Variants in RAPGEF1 observed in about 807,000 individuals in gnomAD.
RAPGEF1 encodes Rap guanine nucleotide exchange factor 1.
In RAPGEF1, 33 loss-of-function variants were observed where a neutral mutation model predicts 143.3. The ratio of observed to expected loss-of-function variants is 0.23; its 90% CI spans 0.17 to 0.31. RAPGEF1 has a LOEUF of 0.31. Among genes scored for constraint, RAPGEF1 ranks in the 10% least tolerant of loss-of-function variants. The probability of loss-of-function intolerance (pLI) is 1.00; values close to 1 mark genes in which losing one functional copy is unlikely to be tolerated. For synonymous variants in RAPGEF1, 629 were observed against 676.5 expected (o/e 0.93, Z 1.09); for missense variants, 1,199 against 1,645.4 (o/e 0.73, Z 4.69).
chr9:131,596,865 G>C (rs1955395260), intron 16 of RAPGEF1, among the ~76,000 whole-genome samples: 1 of 152,180 alleles, frequency 6.6e-6, no homozygotes, highest in Admixed American at 6.5e-5. Context: ...CGTCTCCCCA[G>C]GTGGAAGTAG....
chr9:131,600,577 T>C lies in RAPGEF1; in HGVS notation c.2501+1484A>G, dbSNP rs74318610. ...TCTCATTTCTTTTTCTTTCTTTTGCTATTTTTATTAACTGCCTCTTCAACC... is the reference window on the plus strand; with the variant it reads ...TCTCATTTCTTTTTCTTTCTTTTGCCATTTTTATTAACTGCCTCTTCAACC... On this transcript the variant is annotated intron_variant, in intron 15 of 26. Transcript: ENST00000683357. Among the ~76,000 whole-genome samples, 8 of 152,338 alleles carry C rather than the reference T, an allele frequency of 5.3e-5. No individual in the cohort carries two copies. The East Asian group carries it at 1.5e-3, about 29-fold the overall frequency.
rs958944237 is a variant in RAPGEF1 at position 131,584,208 on chromosome 9, G to A, written c.3414+103C>T. On this transcript the variant is annotated intron_variant, in intron 24 of 26. Coordinates refer to ENST00000683357, the MANE Select transcript of RAPGEF1 (RefSeq NM_001377935.1). The surrounding 1 kb of genome is among the most constrained non-coding windows in gnomAD (Gnocchi z 6.8). ...GTGGCAGAGCAGGGGCCTAGGCCCA[G>A]CATTTGCTCCAGTGGGAGCACTTTC... The A allele has an allele frequency of 8.3e-6, 9 of 1,090,160 alleles. No homozygotes were observed. In the Admixed American group the frequency reaches 1.2e-4, roughly 15 times the overall value. The allele number at this position is 1,090,160 out of a possible 1,614,324, so 67.5% of individuals were successfully genotyped here. A position where few individuals can be genotyped will look rare whatever the true frequency, so the allele number is the denominator to read the frequency against.
chr9:131,579,399 G>T lies in RAPGEF1; in HGVS notation c.*98C>A. On this transcript the variant is annotated 3_prime_UTR_variant, in exon 27 of 27. Transcript: ENST00000683357. ...GGCCAGCCTCATGGCTCCGAGGCCG[G>T]GACTCCTGCCATGCGCCTAACAGGT... 1 of 1,480,492 alleles carries T rather than the reference G, an allele frequency of 6.8e-7. No individual in the cohort carries two copies. 91.7% of individuals were successfully genotyped at this position (1,480,492 alleles called of 1,614,324 possible). A position where few individuals can be genotyped will look rare whatever the true frequency, so the allele number is the denominator to read the frequency against.
At chr9:131,612,561 G>A (rs1207612002) in intron 12 of RAPGEF1, among the ~76,000 whole-genome samples, 3 of 152,108 alleles carry the variant, frequency 2.0e-5, no homozygotes, top group East Asian at 1.9e-4. Flanking sequence ...AGGCAGGCTC[G>A]CTCCTGGGCT....
intron 1 of RAPGEF1, among the ~76,000 whole-genome samples, chr9:131,651,716 A>T (rs1217401758): frequency 6.6e-6 from 1 of 152,212 alleles, no homozygotes; most frequent in African/African-American, 2.4e-5. Flanking sequence ...AAGTGAACAA[A>T]CCCACAGGAT....
chr9:131,598,137 C>G, intron 16 of RAPGEF1, 62 bp downstream of exon 16: 2 of 1,404,042 alleles, frequency 1.4e-6, no homozygotes, highest in Non-Finnish European at 1.0e-6. Context: ...ACATTCTTCT[C>G]TGCCCCACCT....
intron 3 of RAPGEF1, among the ~76,000 whole-genome samples, chr9:131,644,388 T>A (rs1436870902): frequency 7.5e-6 from 1 of 133,506 alleles, no homozygotes; most frequent in Non-Finnish European, 1.7e-5. Flanking sequence ...TGGGAGGCTG[T>A]CCTTTAAAAA....
rs3215862 is a variant in RAPGEF1 at position 131,592,191 on chromosome 9, GA to G, written c.2690-9del. The G allele has an allele frequency of 0.83, 1,322,637 of 1,594,360 alleles. 549,858 individuals are homozygous for G. The highest frequency in any genetic ancestry group is 0.84 in the South Asian group (76,042 of 90,648). ...CGCAGTACAACACCAAATCTAGAGG[GA>G]AAAAACAATGCAAACTGCTTGTCTG... On this transcript the variant is annotated splice_polypyrimidine_tract_variant and intron_variant, in intron 17 of 26. Transcript: ENST00000683357.
chr9:131,737,146 T>C (rs1194178167), intron 1 of RAPGEF1, among the ~76,000 whole-genome samples: 2 of 152,180 alleles, frequency 1.3e-5, no homozygotes, highest in African/African-American at 4.8e-5. Context: ...TCCAGCCAGC[T>C]CCACATCTGC....
In RAPGEF1 at chr9:131,579,377, C is replaced by T; in HGVS notation, c.*120G>A. On this transcript the variant is annotated 3_prime_UTR_variant, in exon 27 of 27. Transcript: ENST00000683357. ...CCGCCCGGCCCCGCTGAGGGCTGGC[C>T]AGCCTCATGGCTCCGAGGCCGGGAC... The T allele has an allele frequency of 7.2e-7, 1 of 1,394,140 alleles. No individual in the cohort carries two copies. The highest frequency in any genetic ancestry group is 1.4e-5 in the South Asian group (1 of 71,768). 86.4% of individuals were successfully genotyped at this position (1,394,140 alleles called of 1,614,324 possible).
chr9:131,590,033 A>G, intron 18 of RAPGEF1, 55 bp from the exon 19 acceptor site: 1 of 1,476,310 alleles, frequency 6.8e-7, no homozygotes, highest in Non-Finnish European at 9.5e-7. Flanking sequence ...GGTGGAGTGG[A>G]GGACTGACTC....
chr9:131,734,405 G>C (rs1485330187), intron 1 of RAPGEF1, among the ~76,000 whole-genome samples: 1 of 152,218 alleles, frequency 6.6e-6, no homozygotes, highest in East Asian at 1.9e-4. Flanking sequence ...AAATTGCAGA[G>C]ATGTTCAAGA....
intron 1 of RAPGEF1, chr9:131,709,749 C>T (rs1438196028): frequency 1.8e-5 from 29 of 1,609,874 alleles, no homozygotes; most frequent in Non-Finnish European, 2.1e-5. Flanking sequence ...AACTGAGGAC[C>T]GAGTCACTGG....
At chr9:131,608,420 G>A (rs1957457785) in intron 12 of RAPGEF1, among the ~76,000 whole-genome samples, 1 of 152,196 alleles carries the variant, frequency 6.6e-6, no homozygotes, top group Non-Finnish European at 1.5e-5. Flanking sequence ...ACTCACAGAA[G>A]CGTCTCAGTT....
Position 131,650,287 on chromosome 9 carries a change from G to T in RAPGEF1, c.202-45C>A. 1 of 1,459,688 alleles carries T rather than the reference G, an allele frequency of 6.9e-7. No individual in the cohort carries two copies. Among genetic ancestry groups the T allele is most frequent in the Non-Finnish European group, 9.5e-7 (1 of 1,050,562 alleles). 90.4% of individuals were successfully genotyped at this position (1,459,688 alleles called of 1,614,324 possible). On this transcript the variant is annotated intron_variant, in intron 2 of 26. Coordinates refer to ENST00000683357, the MANE Select transcript of RAPGEF1 (RefSeq NM_001377935.1). This position sits in a 1 kb window ranked among gnomAD's most constrained non-coding sequence, Gnocchi z 4.7. ...GATTCCTACAGAGTTTGAAATGGCT[G>T]TTTGAGGCCGAAGGGAGGGGTTGAT...
chr9:131,642,810 GC>G (rs1371515189), intron 4 of RAPGEF1, among the ~76,000 whole-genome samples: 1 of 152,204 alleles, frequency 6.6e-6, no homozygotes, highest in Non-Finnish European at 1.5e-5. Context: ...GCAGATGGAG[GC>G]CCTGCTGGTG....
chr9:131,717,389 G>C (rs1306223906), intron 1 of RAPGEF1, among the ~76,000 whole-genome samples: 1 of 152,200 alleles, frequency 6.6e-6, no homozygotes, highest in Non-Finnish European at 1.5e-5. Flanking sequence ...AAAAATTAGT[G>C]AGCGTCAGCT....
intron 12 of RAPGEF1, among the ~76,000 whole-genome samples, chr9:131,617,422 C>T (rs1959168149): frequency 6.6e-6 from 1 of 152,246 alleles, no homozygotes; most frequent in Non-Finnish European, 1.5e-5. Context: ...GGTCCTCAGA[C>T]AGGCAGGACC....
At chr9:131,681,095 G>A (rs1035349004) in intron 1 of RAPGEF1, among the ~76,000 whole-genome samples, 2 of 152,156 alleles carry the variant, frequency 1.3e-5, no homozygotes, top group Non-Finnish European at 1.5e-5. Flanking sequence ...CCGATGATGA[G>A]GAGGAAGGAG....
Sources: allele counts gnomAD v4.1 joint callset (sites outside exome capture counted in the v4.1 genomes callset), GRCh38; gene constraint gnomAD v4.1.1; non-coding constraint Gnocchi (gnomAD v3.1); transcripts MANE v1.5; gene names NCBI Gene and HGNC (gene_info 2026-07-23, HGNC 2026-07-21).